CPE: variants seen among roughly 807,000 people sequenced by gnomAD.
CPE encodes carbocypeptidase E.
Under a neutral mutation model 53.5 loss-of-function variants are expected in CPE, and 17 were observed. That is an observed-to-expected ratio of 0.32 (90% CI 0.22 to 0.48). CPE has a LOEUF of 0.48. CPE is among the 20% of genes least tolerant of loss of function. The pLI is 0.99. For missense variants in CPE, 524 were observed against 614.7 expected, an observed-to-expected ratio of 0.85 and a Z score of 1.56; for synonymous variants, 226 against 228.8, an observed-to-expected ratio of 0.99 and a Z score of 0.11.
chr4:165,496,154 G>A lies in CPE; in HGVS notation c.1332+477G>A, dbSNP rs17587274. ...TAAGTAGATCTCATTTGTTTGTTAG[G>A]AAGGTGATGGTGATAAGACCAAAAC... is the stretch of plus-strand genomic sequence containing the variant. On this transcript the variant is annotated intron_variant, in intron 8 of 8. Transcript: ENST00000402744. Among the ~76,000 whole-genome samples, 892 of 152,272 alleles carry A rather than the reference G, an allele frequency of 5.9e-3. 11 individuals are homozygous for A. The highest frequency in any genetic ancestry group is 0.02 in the Middle Eastern group (6 of 294).
At chr4:165,467,588 C>A in intron 2 of CPE, 100 bp from the exon 3 acceptor site, 1 of 1,133,394 alleles carries the variant, frequency 8.8e-7, no homozygotes. Flanking sequence ...AGTAAATAAT[C>A]TTAATAGTTA....
intron 1 of CPE, among the ~76,000 whole-genome samples, chr4:165,445,153 GC>G (rs1287843650): frequency 3.9e-5 from 6 of 151,998 alleles, no homozygotes; most frequent in Non-Finnish European, 7.4e-5. Context: ...ACGAGGTTTT[GC>G]CCTGTTGGCT....
At chr4:165,410,915 A>G (rs1012832695) in intron 1 of CPE, among the ~76,000 whole-genome samples, 1 of 152,146 alleles carries the variant, frequency 6.6e-6, no homozygotes, top group Non-Finnish European at 1.5e-5. Flanking sequence ...AAAGGATCAC[A>G]GTCTAGCAGA....
chr4:165,393,079 G>C (rs1025513549), intron 1 of CPE, among the ~76,000 whole-genome samples: 10 of 151,916 alleles, frequency 6.6e-5, no homozygotes, highest in Admixed American at 2.0e-4. Flanking sequence ...GATTTTGTTA[G>C]GCTAATTTCC....
chr4:165,401,330 C>T (rs758484640), intron 1 of CPE, among the ~76,000 whole-genome samples: 1 of 152,170 alleles, frequency 6.6e-6, no homozygotes, highest in Non-Finnish European at 1.5e-5. Context: ...CTTGTTTCTC[C>T]CCAGTGAGCT....
chr4:165,444,965 A>T (rs1731680552), intron 1 of CPE, among the ~76,000 whole-genome samples: 1 of 147,008 alleles, frequency 6.8e-6, no homozygotes, highest in African/African-American at 2.6e-5. Flanking sequence ...TATTTTTTTA[A>T]ATTTTTTTTG....
intron 1 of CPE, chr4:165,406,100 C>T (rs1260283545): frequency 1.3e-5 from 10 of 757,990 alleles, no homozygotes; most frequent in Non-Finnish European, 2.5e-5. Context: ...GATTTGATCA[C>T]TAGCCCAGAT....
chr4:165,423,117 A>T (rs1210844379), intron 1 of CPE, among the ~76,000 whole-genome samples: 1 of 152,202 alleles, frequency 6.6e-6, no homozygotes. Flanking sequence ...GGAAGCAATC[A>T]AATATGCATT....
chr4:165,408,205 CTT>C (rs1265440369), intron 1 of CPE, among the ~76,000 whole-genome samples: 1 of 152,194 alleles, frequency 6.6e-6, no homozygotes, highest in Non-Finnish European at 1.5e-5. Flanking sequence ...TTCTTGTCCT[CTT>C]TGCGTCATAT....
At chr4:165,453,632 G>T (rs572565850) in intron 1 of CPE, among the ~76,000 whole-genome samples, 2 of 151,886 alleles carry the variant, frequency 1.3e-5, no homozygotes, top group African/African-American at 4.8e-5. Context: ...TGATCCTCCC[G>T]CCTTGGTTTC....
At position 165,461,178 on chromosome 4, in the gene CPE, A is replaced by AGAAAGAAAG. The variant is rs1474112534; in HGVS notation, c.308-3212_308-3211insGAAAGAAAG. On this transcript the variant is annotated intron_variant, in intron 1 of 8. Coordinates refer to ENST00000402744, the MANE Select transcript of CPE (RefSeq NM_001873.4). ...TGAGCCTCTGCCTCAAAAAAAAAAA[A>AGAAAGAAAG]AAAAAAAAAGAAAGAAAGAAAAGAA... Among the ~76,000 whole-genome samples the AGAAAGAAAG allele has an allele frequency of 6.5e-3, 632 of 97,274 alleles. 33 individuals carry two copies. The highest frequency in any genetic ancestry group is 0.026 in the African/African-American group (620 of 23,638). The allele number at this position is 97,274 out of a possible 152,430, so 63.8% of individuals were successfully genotyped here.
chr4:165,476,872 G>T (rs1348777501), intron 3 of CPE, among the ~76,000 whole-genome samples: 29 of 151,314 alleles, frequency 1.9e-4, no homozygotes. Flanking sequence ...TATCTTTCAT[G>T]GGAGAGGGGG....
chr4:165,405,655 T>C, intron 1 of CPE: 1 of 778,148 alleles, frequency 1.3e-6, no homozygotes, highest in Middle Eastern at 2.8e-4. Context: ...TTCTAGGTAT[T>C]TGATTGTCCA....
At chr4:165,441,536 C>T (rs956887836) in intron 1 of CPE, among the ~76,000 whole-genome samples, 10 of 152,168 alleles carry the variant, frequency 6.6e-5, no homozygotes, top group African/African-American at 2.4e-4. Flanking sequence ...AAGTAGCATT[C>T]TAGAACCAGT....
intron 1 of CPE, among the ~76,000 whole-genome samples, chr4:165,460,802 C>T (rs1429895899): frequency 6.6e-6 from 1 of 152,092 alleles, no homozygotes; most frequent in Non-Finnish European, 1.5e-5. Context: ...TACAAGAATG[C>T]AAATCCCTAC....
intron 1 of CPE, among the ~76,000 whole-genome samples, chr4:165,446,663 A>G (rs1336365090): frequency 2.6e-5 from 4 of 152,168 alleles, no homozygotes; most frequent in Non-Finnish European, 5.9e-5. Context: ...TTATTTTCTA[A>G]TAGTTTGGAA....
At chr4:165,459,696 T>A (rs759800514) in intron 1 of CPE, among the ~76,000 whole-genome samples, 3 of 131,458 alleles carry the variant, frequency 2.3e-5, no homozygotes, top group Admixed American at 7.5e-5. Context: ...GGGCAGATCA[T>A]GAGGTCAGGA....
chr4:165,413,561 T>C (rs2126669108), intron 1 of CPE, among the ~76,000 whole-genome samples: 1 of 152,330 alleles, frequency 6.6e-6, no homozygotes, highest in East Asian at 1.9e-4. Flanking sequence ...AGTACTACCT[T>C]TGAGGCTTTA....
At chr4:165,433,489 C>T (rs774392776) in intron 1 of CPE, among the ~76,000 whole-genome samples, 1 of 152,128 alleles carries the variant, frequency 6.6e-6, no homozygotes, top group Non-Finnish European at 1.5e-5. Flanking sequence ...CCTTATTATC[C>T]TCTCAGCCCC....
Sources: allele counts gnomAD v4.1 joint callset (sites outside exome capture counted in the v4.1 genomes callset), GRCh38; gene constraint gnomAD v4.1.1; transcripts MANE v1.5; gene names NCBI Gene and HGNC (gene_info 2026-07-23, HGNC 2026-07-21).